Variants in CNTN4 observed in about 807,000 individuals in gnomAD.
CNTN4 encodes contactin-4.
A neutral mutation model predicts 122.5 loss-of-function variants in CNTN4; 77 were observed. The observed-to-expected ratio is 0.63, with a 90% CI of 0.52 to 0.76. CNTN4 has a LOEUF of 0.76. Among genes scored for constraint, CNTN4 ranks in the 30% least tolerant of loss-of-function variants. The pLI is 0.00. For synonymous variants in CNTN4, 512 were observed against 447.0 expected (o/e 1.15, Z -1.83); for missense variants, 1,256 against 1,259.1 (o/e 1.00, Z 0.04).
chr3:2,630,701 A>AGTGT (rs10689131), intron 4 of CNTN4, among the ~76,000 whole-genome samples: 4,759 of 137,330 alleles, frequency 0.035, 92 homozygotes, highest in African/African-American at 0.06. Flanking sequence ...TTATTAAGGG[A>AGTGT]GTGTGTGTGT....
intron 4 of CNTN4, among the ~76,000 whole-genome samples, chr3:2,620,081 A>C (rs1387610254): frequency 2.0e-5 from 3 of 152,204 alleles, no homozygotes; most frequent in African/African-American, 7.2e-5. Flanking sequence ...CCAGTCATTC[A>C]TTTGATTATA....
At chr3:2,705,689 A>C (rs1576512188) in intron 4 of CNTN4, among the ~76,000 whole-genome samples, 1 of 94,654 alleles carries the variant, frequency 1.1e-5, no homozygotes, top group African/African-American at 4.4e-5. Context: ...TATTATATAT[A>C]AATAAATATA....
intron 2 of CNTN4, among the ~76,000 whole-genome samples, chr3:2,122,142 G>A (rs113939994): frequency 0.24 from 35,913 of 147,346 alleles, 4,937 homozygotes; most frequent in Admixed American, 0.34. Flanking sequence ...GCGACAGAGC[G>A]ACACTCCATC....
At chr3:2,905,779 G>T (rs2094223749) in intron 12 of CNTN4, among the ~76,000 whole-genome samples, 1 of 152,230 alleles carries the variant, frequency 6.6e-6, no homozygotes, top group South Asian at 2.1e-4. Flanking sequence ...TGGCTAGGGG[G>T]CTGGGCTGGA....
chr3:2,871,589 G>C (rs1425022140), intron 8 of CNTN4, among the ~76,000 whole-genome samples: 1 of 151,946 alleles, frequency 6.6e-6, no homozygotes, highest in African/African-American at 2.4e-5. Context: ...GGACCTAATA[G>C]GCACTTAGAG....
intron 8 of CNTN4, chr3:2,882,600 T>C (rs1183125376): frequency 6.4e-6 from 1 of 155,066 alleles, no homozygotes; most frequent in Non-Finnish European, 1.4e-5. Flanking sequence ...AGGTCCAAAA[T>C]GTAATAAAAA....
intron 2 of CNTN4, among the ~76,000 whole-genome samples, chr3:2,288,971 A>G (rs2042039787): frequency 1.3e-5 from 2 of 152,194 alleles, no homozygotes; most frequent in South Asian, 4.1e-4. Flanking sequence ...AGCGAAATTC[A>G]AGGTACACAG....
chr3:2,976,639 C>A (rs1252053839), intron 13 of CNTN4, among the ~76,000 whole-genome samples: 1 of 152,108 alleles, frequency 6.6e-6, no homozygotes, highest in African/African-American at 2.4e-5. Flanking sequence ...AGATGGGGAG[C>A]AAAGCCATCT....
intron 7 of CNTN4, among the ~76,000 whole-genome samples, chr3:2,846,307 T>G (rs1399777590): frequency 6.6e-6 from 1 of 152,150 alleles, no homozygotes; most frequent in Non-Finnish European, 1.5e-5. Context: ...AGTGAGTGAA[T>G]TCTCATGAGA....
intron 2 of CNTN4, among the ~76,000 whole-genome samples, chr3:2,143,851 A>C (rs1559284010): frequency 6.6e-6 from 1 of 152,278 alleles, no homozygotes; most frequent in East Asian, 1.9e-4. Flanking sequence ...GTAAGATGCT[A>C]ATTAAAGGTA....
At chr3:2,926,311 A>G (rs554141158) in intron 13 of CNTN4, among the ~76,000 whole-genome samples, 1 of 152,308 alleles carries the variant, frequency 6.6e-6, no homozygotes, top group East Asian at 1.9e-4. Context: ...TTTTTGAGAA[A>G]ACAGGTTTTT....
At chr3:2,157,404 A>G (rs1030594630) in intron 2 of CNTN4, among the ~76,000 whole-genome samples, 1 of 152,188 alleles carries the variant, frequency 6.6e-6, no homozygotes, top group Non-Finnish European at 1.5e-5. Context: ...AGAGTTGGCA[A>G]AAGTGTATGG....
intron 8 of CNTN4, among the ~76,000 whole-genome samples, chr3:2,870,608 G>A (rs1199416628): frequency 6.6e-6 from 1 of 152,142 alleles, no homozygotes; most frequent in Non-Finnish European, 1.5e-5. Context: ...ACTGGTAAGT[G>A]CAAGGTGAGT....
chr3:2,815,472 C>A (rs1409468042), intron 6 of CNTN4, among the ~76,000 whole-genome samples: 1 of 152,008 alleles, frequency 6.6e-6, no homozygotes, highest in Non-Finnish European at 1.5e-5. Context: ...ATGCAAATAG[C>A]CAAAAAACAT....
chr3:2,284,923 AAATGCATT>A (rs1258964614), intron 2 of CNTN4, among the ~76,000 whole-genome samples: 1 of 151,990 alleles, frequency 6.6e-6, no homozygotes, highest in African/African-American at 2.4e-5. Context: ...GACTTGAAAA[AAATGCATT>A]AATGCTTCAT....
chr3:2,568,337 A>AAC lies in CNTN4; in HGVS notation c.-88-3078_-88-3077insCA, dbSNP rs1349156142. Among the ~76,000 whole-genome samples the AAC allele has an allele frequency of 2.2e-4, 34 of 151,358 alleles. No individual in the cohort carries two copies. In the South Asian group the frequency reaches 6.9e-3, roughly 31 times the overall value. On this transcript the variant is annotated intron_variant, in intron 3 of 24. Coordinates refer to ENST00000418658, the MANE Select transcript of CNTN4 (RefSeq NM_175607.3). ...AATGTGAAAAAAAAAAAAAAAAAAA[A>AAC]AAACCACCCTGTACAATTCTCAGTT...
intron 7 of CNTN4, among the ~76,000 whole-genome samples, chr3:2,850,026 G>T (rs2093522101): frequency 7.0e-6 from 1 of 142,320 alleles, no homozygotes; most frequent in Admixed American, 7.7e-5. Context: ...GTCTTGCTCT[G>T]TGGCCCAGAC....
At position 2,353,969 on chromosome 3, in the gene CNTN4, A is replaced by C. The variant is rs912675246; in HGVS notation, c.-89+14736A>C. On this transcript the variant is annotated intron_variant, in intron 3 of 24. Coordinates refer to ENST00000418658, the MANE Select transcript of CNTN4 (RefSeq NM_175607.3). ...GTCCTCACTTGATGACAATGATGAC[A>C]GCTTATATATTTAGAGCACATATGA... 3.3e-5 allele frequency among the ~76,000 whole-genome samples: 5 copies of C among 152,222 alleles called. No homozygotes were observed. The South Asian group carries it at 1.0e-3, about 32-fold the overall frequency.
chr3:2,167,158 A>T (rs963924470), intron 2 of CNTN4, among the ~76,000 whole-genome samples: 1 of 152,194 alleles, frequency 6.6e-6, no homozygotes, highest in Non-Finnish European at 1.5e-5. Flanking sequence ...AAGAAGGATA[A>T]ACCAATTCCA....
Sources: allele counts gnomAD v4.1 joint callset (sites outside exome capture counted in the v4.1 genomes callset), GRCh38; gene constraint gnomAD v4.1.1; transcripts MANE v1.5; gene names NCBI Gene and HGNC (gene_info 2026-07-23, HGNC 2026-07-21).